Variants in KCNAB2 observed in about 807,000 individuals in gnomAD.
The protein encoded by KCNAB2 is potassium voltage-gated channel subfamily A regulatory beta subunit 2.
KCNAB2 carries 29 observed loss-of-function variants against 63.6 expected under a neutral mutation model. The ratio of observed to expected loss-of-function variants is 0.46; its 90% CI spans 0.34 to 0.62. KCNAB2 has a LOEUF of 0.62. KCNAB2 is among the 20% of genes least tolerant of loss of function. KCNAB2 has a pLI of 0.01. For synonymous variants in KCNAB2, 222 were observed against 224.2 expected (o/e 0.99, Z 0.09); for missense variants, 359 against 563.9 (o/e 0.64, Z 3.68).
intron 1 of KCNAB2, among the ~76,000 whole-genome samples, chr1:6,018,282 TG>T (rs1186826840): frequency 6.6e-6 from 1 of 152,144 alleles, no homozygotes; most frequent in Non-Finnish European, 1.5e-5. Context: ...GTTTTCAGCT[TG>T]CAGGAAATTC....
upstream of KCNAB2, chr1:6,041,806 C>G (rs769315602): frequency 6.5e-5 from 105 of 1,608,344 alleles, no homozygotes; most frequent in Middle Eastern, 3.3e-4. Context: ...TCTCCTTTTT[C>G]TCTTTTCTCC....
intron 1 of KCNAB2, among the ~76,000 whole-genome samples, chr1:6,002,548 C>G (rs914057581): frequency 6.6e-6 from 1 of 152,240 alleles, no homozygotes; most frequent in Non-Finnish European, 1.5e-5. Flanking sequence ...GCCCCTGAAC[C>G]GTACGTGATG....
At position 6,099,734 on chromosome 1, in the gene KCNAB2, T is replaced by C. The variant is rs1357874999; in HGVS notation, c.*1160T>C. Reference sequence around the variant, plus strand: ...CTGCACCCCCACAGCACCCCCACAATGTAGGAAAAGACCTCAGGGAACCTC... The same window carrying C: ...CTGCACCCCCACAGCACCCCCACAACGTAGGAAAAGACCTCAGGGAACCTC... On this transcript the variant is annotated 3_prime_UTR_variant, in exon 16 of 16. Transcript: ENST00000378083. 3.5e-6 allele frequency: 5 copies of C among 1,447,388 alleles called. No individual in the cohort carries two copies. The highest frequency in any genetic ancestry group is 5.7e-5 in the Admixed American group (2 of 34,996). 89.7% of individuals were successfully genotyped at this position (1,447,388 alleles called of 1,614,324 possible).
chr1:6,036,728 G>C (rs530409330), intron 1 of KCNAB2, among the ~76,000 whole-genome samples: 1 of 151,868 alleles, frequency 6.6e-6, no homozygotes, highest in African/African-American at 2.4e-5. Flanking sequence ...AGATCGTGTC[G>C]CTGTGTGTGG....
chr1:6,100,394 G>A lies in KCNAB2; in HGVS notation c.*1820G>A, dbSNP rs551125191. The A allele has an allele frequency of 2.1e-4, 40 of 194,864 alleles. No individual in the cohort carries two copies. The East Asian group carries it at 3.4e-3, about 17-fold the overall frequency. 12.1% of individuals were successfully genotyped at this position (194,864 alleles called of 1,614,324 possible). On this transcript the variant is annotated 3_prime_UTR_variant, in exon 16 of 16. Coordinates refer to ENST00000378083, the MANE Select transcript of KCNAB2 (RefSeq NM_001199862.2). ...TGGGGTGGGGAAGTCCCTTCCCAAC[G>A]GAGGTCCCAGCCTATGGCCCTGGGC... is the stretch of plus-strand genomic sequence containing the variant.
rs891353793 is a variant in KCNAB2, at chr1:6,028,302, C to G, written c.-52-12215C>G. Among the ~76,000 whole-genome samples, 1 of 152,342 alleles carries G rather than the reference C, an allele frequency of 6.6e-6. No homozygotes were observed. Among genetic ancestry groups the G allele is most frequent in the Non-Finnish European group, 1.5e-5 (1 of 68,040 alleles). ...TGAGCAGTTATACCTCTTCCTGTCT[C>G]CGCTGGAAGCACAGTCACTGCCATG... On this transcript the variant is annotated intron_variant, in intron 1 of 16. Transcript: ENST00000341524. This position sits in a 1 kb window ranked among gnomAD's most constrained non-coding sequence, Gnocchi z 4.0.
At position 6,073,806 on chromosome 1, in the gene KCNAB2, C is replaced by T; in HGVS notation, c.300+36C>T. 1.2e-6 allele frequency: 2 copies of T among 1,608,684 alleles called. No individual in the cohort carries two copies. The highest frequency in any genetic ancestry group is 1.1e-5 in the South Asian group (1 of 91,002). On this transcript the variant is annotated intron_variant, in intron 4 of 15. Transcript: ENST00000378083. This position sits in a 1 kb window ranked among gnomAD's most constrained non-coding sequence, Gnocchi z 5.7. The stretch of plus-strand genomic sequence containing the variant: ...GCTCTCCCAGCACCCCAGAACCCAG[C>T]ACGGGCTCGCCAGAGCACATGGTTA...
At chr1:6,021,947 T>C (rs549978011) in intron 1 of KCNAB2, among the ~76,000 whole-genome samples, 1 of 152,000 alleles carries the variant, frequency 6.6e-6, no homozygotes, top group African/African-American at 2.4e-5. Context: ...TGCAGTAGCA[T>C]TGAGGGTATG....
chr1:6,077,098 A>G (rs968747898), intron 4 of KCNAB2, among the ~76,000 whole-genome samples: 2 of 152,080 alleles, frequency 1.3e-5, no homozygotes, highest in Non-Finnish European at 2.9e-5. Context: ...AGGCAGGAGA[A>G]TTGCTTGAAT....
chr1:6,018,330 C>T (rs1263919304), intron 1 of KCNAB2, among the ~76,000 whole-genome samples: 3 of 152,186 alleles, frequency 2.0e-5, no homozygotes, highest in African/African-American at 4.8e-5. Context: ...GCCATAGTAG[C>T]GTGAAAGCAG....
chr1:6,062,197 C>T (rs1331940235), intron 2 of KCNAB2, among the ~76,000 whole-genome samples: 1 of 151,962 alleles, frequency 6.6e-6, no homozygotes, highest in Non-Finnish European at 1.5e-5. Flanking sequence ...GCCTGTAATC[C>T]CAGCTACTCG....
rs141338772 is a variant in KCNAB2, at chr1:6,090,247, G to A, written c.515-142G>A. On this transcript the variant is annotated intron_variant, in intron 8 of 15. Transcript: ENST00000378083. Reference sequence around the variant, plus strand: ...CCCCACCTCTGCCGTGGCATTTCACGACCTCCATCAGCTTCTGGAAGCTTC... The same window carrying A: ...CCCCACCTCTGCCGTGGCATTTCACAACCTCCATCAGCTTCTGGAAGCTTC... 11 of 573,586 alleles carry A rather than the reference G, an allele frequency of 1.9e-5. No homozygotes were observed. In the East Asian group the frequency reaches 2.4e-4, roughly 13 times the overall value. 35.5% of individuals were successfully genotyped at this position (573,586 alleles called of 1,614,324 possible). A position where few individuals can be genotyped will look rare whatever the true frequency, so the allele number is the denominator to read the frequency against.
In KCNAB2 at chr1:6,100,152, A is replaced by C. The variant is rs892116766; in HGVS notation, c.*1578A>C. On this transcript the variant is annotated 3_prime_UTR_variant, in exon 16 of 16. Coordinates refer to ENST00000378083, the MANE Select transcript of KCNAB2 (RefSeq NM_001199862.2). ...GCCGTCCTGCGGGAGCCTGCTGTCC[A>C]GTCCTGGCCGGGCCAAGGCCTGGGA... 1.5e-6 allele frequency: 2 copies of C among 1,373,764 alleles called. No homozygotes were observed. The highest frequency in any genetic ancestry group is 1.9e-6 in the Non-Finnish European group (2 of 1,052,186). The allele number at this position is 1,373,764 out of a possible 1,614,324, so 85.1% of individuals were successfully genotyped here. A position where few individuals can be genotyped will look rare whatever the true frequency, so the allele number is the denominator to read the frequency against.
chr1:6,051,550 C>G lies in KCNAB2; in HGVS notation c.14C>G (p.Thr5Arg). 6.5e-7 allele frequency: 1 copy of G among 1,529,680 alleles called. No homozygotes were observed. The allele number at this position is 1,529,680 out of a possible 1,614,324, so 94.8% of individuals were successfully genotyped here. A position where few individuals can be genotyped will look rare whatever the true frequency, so the allele number is the denominator to read the frequency against. ...CCAGGCGGCACCATGCTGTCCATGA[C>G]GTACAGCGAGAGTCTGCGGAGCGTG... Reference protein sequence around the residue: MLSMTYSESLRSVSS... With the variant: MLSMRYSESLRSVSS... Residue 5 changes from threonine to arginine, a missense_variant, in exon 2 of 16, where the codon ACG (threonine) becomes AGG (arginine). Transcript: ENST00000378083.
intron 4 of KCNAB2, 108 bp from the exon 5 acceptor site, chr1:6,082,087 A>T (rs1296279051): frequency 4.6e-6 from 4 of 872,990 alleles, no homozygotes; most frequent in Non-Finnish European, 5.7e-6. Flanking sequence ...CGGGCCCGGG[A>T]GGGCAGGGCC....
chr1:5,995,337 GAC>G (rs1656884805), intron 1 of KCNAB2, among the ~76,000 whole-genome samples: 1 of 152,200 alleles, frequency 6.6e-6, no homozygotes, highest in African/African-American at 2.4e-5. Flanking sequence ...CAGAGGCAGT[GAC>G]GGAGCTGGGT....
chr1:6,053,288 G>A (rs1276952826), intron 2 of KCNAB2, among the ~76,000 whole-genome samples: 1 of 152,124 alleles, frequency 6.6e-6, no homozygotes, highest in Non-Finnish European at 1.5e-5. Context: ...TTTATTGAGA[G>A]TCTGCTTGGC....
intron 6 of KCNAB2, among the ~76,000 whole-genome samples, chr1:6,085,521 C>T (rs1038371826): frequency 2.6e-5 from 4 of 152,194 alleles, no homozygotes; most frequent in Non-Finnish European, 2.9e-5. Context: ...CCCAGAGCAC[C>T]AGGGTCCCTG....
At chr1:6,005,423 T>TGAC (rs1657593161) in intron 1 of KCNAB2, among the ~76,000 whole-genome samples, 1 of 752 alleles carries the variant, frequency 1.3e-3, no homozygotes, top group African/African-American at 4.0e-3. Flanking sequence ...GGGGTGGAGT[T>TGAC]GTGGGTTGTG....
Sources: allele counts gnomAD v4.1 joint callset (sites outside exome capture counted in the v4.1 genomes callset), GRCh38; gene constraint gnomAD v4.1.1; non-coding constraint Gnocchi (gnomAD v3.1); transcripts MANE v1.5; gene names NCBI Gene and HGNC (gene_info 2026-07-23, HGNC 2026-07-21).